Variants in SLC66A2 observed in about 807,000 individuals in gnomAD.
The protein encoded by SLC66A2 is solute carrier family 66 member 2, also known as PQ loop repeat containing 1.
Under a neutral mutation model 25.5 loss-of-function variants are expected in SLC66A2, and 23 were observed. That is an observed-to-expected ratio of 0.90 (90% confidence interval 0.65 to 1.28). SLC66A2 has a LOEUF of 1.28. Among genes scored for constraint, SLC66A2 ranks in the 50% most tolerant of loss-of-function variants. The probability of loss-of-function intolerance (pLI) is 0.00; values close to 1 mark genes in which losing one functional copy is unlikely to be tolerated. For synonymous variants in SLC66A2, 193 were observed against 166.5 expected, an observed-to-expected ratio of 1.16 and a Z score of -1.23; for missense variants, 396 against 373.1, an observed-to-expected ratio of 1.06 and a Z score of -0.51.
At chr18:79,916,262 AGTG>A (rs1984128169) in intron 5 of SLC66A2, among the ~76,000 whole-genome samples, 3 of 43,414 alleles carry the variant, frequency 6.9e-5, no homozygotes, top group Non-Finnish European at 1.2e-4. Context: ...TCATAGCCGC[AGTG>A]CTCCCGTACC....
intron 2 of SLC66A2, chr18:79,949,700 G>A (rs950558429): frequency 6.6e-6 from 1 of 152,446 alleles, no homozygotes; most frequent in Non-Finnish European, 1.5e-5. Context: ...CAAAGAAGCA[G>A]GTACGTGATT....
At chr18:79,939,159 C>T (rs1340520258) in intron 3 of SLC66A2, among the ~76,000 whole-genome samples, 1 of 152,092 alleles carries the variant, frequency 6.6e-6, no homozygotes, top group Admixed American at 6.6e-5. Flanking sequence ...ACTTAAAATC[C>T]CTATAAAAGA....
intron 5 of SLC66A2, among the ~76,000 whole-genome samples, chr18:79,905,359 C>T (rs1326257979): frequency 3.3e-5 from 5 of 152,258 alleles, no homozygotes; most frequent in Admixed American, 3.3e-4. Context: ...GTCTCTTCCA[C>T]AGACAAAAAG....
At chr18:79,905,079 GAACCCGC>G (rs1001556603) in intron 5 of SLC66A2, among the ~76,000 whole-genome samples, 3 of 152,150 alleles carry the variant, frequency 2.0e-5, no homozygotes, top group Non-Finnish European at 4.4e-5. Context: ...CTGGAGCTAG[GAACCCGC>G]AGGAGACAGC....
rs749573631 is a variant in SLC66A2, at chr18:79,950,813, C to A, written c.114G>T (p.Arg38=). Residue 38 remains arginine, a synonymous_variant, in exon 2 of 6, where the codon CGG becomes CGT. Coordinates refer to ENST00000397778, the MANE Select transcript of SLC66A2 (RefSeq NM_025078.5). The part of the protein sequence containing the change: ...GGVVPYVPQY[R]DIRRTQNADG... ...CGGCGTTCTGCGTCCTGCGAATGTC[C>A]CGATACTGCGGGACGTAGGGCACCA... The A allele has an allele frequency of 1.2e-6, 2 of 1,613,000 alleles. No individual in the cohort carries two copies. The highest frequency in any genetic ancestry group is 1.7e-6 in the Non-Finnish European group (2 of 1,179,954).
Position 79,919,403 on chromosome 18 carries a change from A to AG in SLC66A2, c.392-4dup, listed in dbSNP as rs1462724263. ...CCAGAAGTGGTGGGGGTCGAAGTCT[A>AG]GGGCGAGAGGGAGAAGCAGCCTCAG... On this transcript the variant is annotated splice_polypyrimidine_tract_variant and splice_region_variant and intron_variant, in intron 4 of 5. Coordinates refer to ENST00000397778, the MANE Select transcript of SLC66A2 (RefSeq NM_025078.5). 1 of 1,612,628 alleles carries AG rather than the reference A, an allele frequency of 6.2e-7. No homozygotes were observed. The highest frequency in any genetic ancestry group is 2.2e-5 in the East Asian group (1 of 44,884).
chr18:79,923,534 G>A (rs1424528503), intron 4 of SLC66A2, among the ~76,000 whole-genome samples: 1 of 152,134 alleles, frequency 6.6e-6, no homozygotes, highest in Admixed American at 6.5e-5. Flanking sequence ...TCACTAAACA[G>A]TTTCTGAGAA....
At position 79,927,464 on chromosome 18, in the gene SLC66A2, A is replaced by G. The variant is rs1023431555; in HGVS notation, c.391+6505T>C. ...TCAGGGACGCAAAAGGATTTTAACA[A>G]AGACGGCCACACCACCTGCTGCAGA... On this transcript the variant is annotated intron_variant, in intron 4 of 5. Transcript: ENST00000397778. This position sits in a 1 kb window ranked among gnomAD's most constrained non-coding sequence, Gnocchi z 6.2. Among the ~76,000 whole-genome samples the G allele has an allele frequency of 1.3e-5, 2 of 152,206 alleles. No homozygotes were observed. Among genetic ancestry groups the G allele is most frequent in the Non-Finnish European group, 2.9e-5 (2 of 68,030 alleles).
chr18:79,939,569 C>A (rs1987455000), intron 3 of SLC66A2, among the ~76,000 whole-genome samples: 1 of 152,208 alleles, frequency 6.6e-6, no homozygotes, highest in African/African-American at 2.4e-5. Flanking sequence ...AAAAAGTGGG[C>A]AAAGGACATG....
intron 5 of SLC66A2, among the ~76,000 whole-genome samples, chr18:79,912,030 G>A (rs1000797948): frequency 2.1e-5 from 3 of 141,702 alleles, no homozygotes; most frequent in Non-Finnish European, 4.6e-5. Flanking sequence ...AGCAGGAAGG[G>A]GACAGGAGCA....
chr18:79,930,567 T>C (rs1465859533), intron 4 of SLC66A2, among the ~76,000 whole-genome samples: 3 of 152,168 alleles, frequency 2.0e-5, no homozygotes, highest in Non-Finnish European at 4.4e-5. Flanking sequence ...TCACATGTCT[T>C]CTCCTTTCCT....
chr18:79,929,480 A>T (rs1986345343), intron 4 of SLC66A2, among the ~76,000 whole-genome samples: 2 of 152,230 alleles, frequency 1.3e-5, no homozygotes, highest in Admixed American at 1.3e-4. Flanking sequence ...CTGTATCCAC[A>T]GCTGCTACTA....
At chr18:79,932,030 G>A (rs1986617805) in intron 4 of SLC66A2, among the ~76,000 whole-genome samples, 1 of 151,946 alleles carries the variant, frequency 6.6e-6, no homozygotes, top group African/African-American at 2.4e-5. Flanking sequence ...ATAAATAAAA[G>A]TACTGGAATA....
intron 4 of SLC66A2, among the ~76,000 whole-genome samples, chr18:79,930,696 G>A (rs1986483405): frequency 6.6e-6 from 1 of 152,080 alleles, no homozygotes; most frequent in African/African-American, 2.4e-5. Flanking sequence ...AATGAGATGG[G>A]ATCAAAACTG....
intron 5 of SLC66A2, among the ~76,000 whole-genome samples, chr18:79,910,342 T>C (rs1276649455): frequency 1.5e-5 from 1 of 67,780 alleles, no homozygotes; most frequent in East Asian, 5.0e-4. Context: ...GTCCCCAACC[T>C]TCCCCACCAC....
chr18:79,924,961 G>A (rs1985756409), intron 4 of SLC66A2: 1 of 152,282 alleles, frequency 6.6e-6, no homozygotes, highest in Non-Finnish European at 1.5e-5. Context: ...GCTGACCTGG[G>A]GTGGCTCAGA....
In SLC66A2 at chr18:79,917,021, TG is replaced by T; in HGVS notation, c.608+2162del. Among the ~76,000 whole-genome samples the T allele has an allele frequency of 6.6e-6, 1 of 152,380 alleles. No individual in the cohort carries two copies. Among genetic ancestry groups the T allele is most frequent in the East Asian group, 1.9e-4 (1 of 5,184 alleles). On this transcript the variant is annotated intron_variant, in intron 5 of 5. Coordinates refer to ENST00000397778, the MANE Select transcript of SLC66A2 (RefSeq NM_025078.5). This position sits in a 1 kb window ranked among gnomAD's most constrained non-coding sequence, Gnocchi z 6.0. ...TCGGTGCTGGGGAGACGCCTGCACA[TG>T]GAAGTGTGTGTGCTGCTTGTGGTGA... is the stretch of plus-strand genomic sequence containing the variant.
rs780124701 is a variant in SLC66A2 at position 79,904,096 on chromosome 18, C to A, written c.696G>T (p.Val232=). The A allele has an allele frequency of 6.2e-6, 10 of 1,612,740 alleles. No individual in the cohort carries two copies. The East Asian group carries it at 2.0e-4, about 32-fold the overall frequency. The change falls in exon 6 of 6, where the codon GTG becomes GTT. Residue 232 remains valine (V), a synonymous_variant. Transcript: ENST00000397778. This position sits in a 1 kb window ranked among gnomAD's most constrained non-coding sequence, Gnocchi z 6.3. The stretch of plus-strand genomic sequence containing the variant: ...CCACCAGCACCTGCAGCAGGCCGCA[C>A]ACGGAGAACTGCAGAGGGGCACCCT... ...LLKGAPLQFS[V]CGLLQVLVDL...
At chr18:79,914,357 A>T (rs996464925) in intron 5 of SLC66A2, among the ~76,000 whole-genome samples, 2 of 152,228 alleles carry the variant, frequency 1.3e-5, no homozygotes, top group Non-Finnish European at 2.9e-5. Context: ...TTCAAGAATC[A>T]CAACTCCTGA....
Sources: gnomAD v4.1 joint callset for allele counts (sites outside exome capture counted in the v4.1 genomes callset) on GRCh38, gnomAD v4.1.1 for gene constraint, Gnocchi (gnomAD v3.1) non-coding constraint, MANE v1.5 for transcripts, NCBI Gene and HGNC (gene_info 2026-07-23, HGNC 2026-07-21) for gene names.